KCNK2: variants seen among roughly 807,000 people sequenced by gnomAD.
The protein encoded by KCNK2 is potassium channel subfamily K member 2.
Under a neutral mutation model 40.5 loss-of-function variants are expected in KCNK2, and 21 were observed. The observed-to-expected ratio is 0.52, with a 90% confidence interval of 0.37 to 0.75. The LOEUF is 0.75. Ranked by LOEUF, KCNK2 falls within the 30% of genes least tolerant of loss-of-function variation. The pLI, the probability that KCNK2 is intolerant of heterozygous loss-of-function variation, is 0.00. For missense variants in KCNK2, 399 were observed against 531.6 expected (o/e 0.75, Z 2.45); for synonymous variants, 191 against 202.2 (o/e 0.94, Z 0.47).
intron 5 of KCNK2, among the ~76,000 whole-genome samples, chr1:215,178,387 G>C (rs978338257): frequency 6.6e-6 from 1 of 152,072 alleles, no homozygotes; most frequent in African/African-American, 2.4e-5. Context: ...TGGACTCCCA[G>C]TAGTATGTTG....
intron 6 of KCNK2, among the ~76,000 whole-genome samples, chr1:215,201,862 C>G (rs767386692): frequency 6.6e-6 from 1 of 152,072 alleles, no homozygotes; most frequent in Non-Finnish European, 1.5e-5. Flanking sequence ...TTACTTTTTT[C>G]TTTTCTGTTT....
rs753756227 is a variant in KCNK2, at chr1:215,171,439, G to C, written c.637-558G>C. Among the ~76,000 whole-genome samples, 101 of 152,096 alleles carry C rather than the reference G, an allele frequency of 6.6e-4. 1 individual carries two copies. Among genetic ancestry groups the C allele is most frequent in the Non-Finnish European group, 1.0e-3 (71 of 68,004 alleles). On this transcript the variant is annotated intron_variant, in intron 4 of 6. Transcript: ENST00000444842. Reference sequence around the variant, plus strand: ...GTGAAGGTTAAGCTGTTAGTATTATGCTGTAATCAATTAAATTGATGATAA... The same window carrying C: ...GTGAAGGTTAAGCTGTTAGTATTATCCTGTAATCAATTAAATTGATGATAA...
intron 3 of KCNK2, among the ~76,000 whole-genome samples, chr1:215,146,969 A>G (rs1295807720): frequency 1.3e-5 from 2 of 152,184 alleles, no homozygotes; most frequent in Non-Finnish European, 2.9e-5. Flanking sequence ...AATATTCGCA[A>G]TTACCCTTTT....
chr1:215,198,784 C>A (rs1664968393), intron 6 of KCNK2, among the ~76,000 whole-genome samples: 1 of 152,076 alleles, frequency 6.6e-6, no homozygotes, highest in Non-Finnish European at 1.5e-5. Flanking sequence ...GAATCTTCTT[C>A]ACTAAAAGAT....
intron 6 of KCNK2, among the ~76,000 whole-genome samples, chr1:215,221,939 G>T (rs1378740601): frequency 1.3e-5 from 2 of 152,220 alleles, no homozygotes; most frequent in Non-Finnish European, 2.9e-5. Context: ...GGTTCTGCAG[G>T]TTGTACAGGA....
At position 215,208,490 on chromosome 1, in the gene KCNK2, T is replaced by C. The variant is rs557112489; in HGVS notation, c.963+13398T>C. Among the ~76,000 whole-genome samples, 5 of 152,078 alleles carry C rather than the reference T, an allele frequency of 3.3e-5. No individual in the cohort carries two copies. The East Asian group carries it at 9.7e-4, about 29-fold the overall frequency. Reference sequence around the variant, plus strand: ...CTTATGTAACAAATCTTCACATGCATCCCCCATCCTAAAATAAAAGTTTAA... The same window carrying C: ...CTTATGTAACAAATCTTCACATGCACCCCCCATCCTAAAATAAAAGTTTAA... On this transcript the variant is annotated intron_variant, in intron 6 of 6. Coordinates refer to ENST00000444842, the MANE Select transcript of KCNK2 (RefSeq NM_001017425.3).
rs752225467 is a variant in KCNK2, at chr1:215,086,604, A to G, written c.283A>G (p.Ile95Val). The change falls in exon 2 of 7, where the codon ATT becomes GTT. Residue 95 changes from isoleucine (I) to valine (V), a missense_variant. By Grantham distance (29) the Ile-to-Val change is conservative (BLOSUM62 3). Coordinates refer to ENST00000444842, the MANE Select transcript of KCNK2 (RefSeq NM_001017425.3). ...TCATGAGATTTCACAGAGGACCACC[A>G]TTGTGATCCAGAAGCAAACATTCAT... ...QPHEISQRTT[I>V]VIQKQTFISQ... The G allele has an allele frequency of 2.5e-6, 4 of 1,614,222 alleles. No individual in the cohort carries two copies. Among genetic ancestry groups the G allele is most frequent in the Non-Finnish European group, 3.4e-6 (4 of 1,180,022 alleles).
chr1:215,112,374 A>G (rs1033777644), intron 2 of KCNK2, among the ~76,000 whole-genome samples: 1 of 151,932 alleles, frequency 6.6e-6, no homozygotes, highest in Non-Finnish European at 1.5e-5. Flanking sequence ...AAAAAAGATT[A>G]TGGAATAAAG....
At chr1:215,044,890 G>T (rs1349543668) in intron 1 of KCNK2, among the ~76,000 whole-genome samples, 2 of 151,856 alleles carry the variant, frequency 1.3e-5, no homozygotes, top group Non-Finnish European at 2.9e-5. Context: ...ACAGAGTTAG[G>T]CCGGGCACAG....
chr1:215,174,201 T>G (rs1663849288), intron 5 of KCNK2, among the ~76,000 whole-genome samples: 1 of 152,126 alleles, frequency 6.6e-6, no homozygotes, highest in African/African-American at 2.4e-5. Flanking sequence ...CTAGCCAGTT[T>G]TCCCAGCACC....
At chr1:215,023,469 T>C (rs923094680) in intron 1 of KCNK2, among the ~76,000 whole-genome samples, 1 of 152,220 alleles carries the variant, frequency 6.6e-6, no homozygotes, top group Non-Finnish European at 1.5e-5. Context: ...ATACTCTGAA[T>C]TGAATTACAT....
chr1:215,160,359 G>A (rs1663138150), intron 3 of KCNK2, among the ~76,000 whole-genome samples: 1 of 152,176 alleles, frequency 6.6e-6, no homozygotes, highest in African/African-American at 2.4e-5. Flanking sequence ...ATATTAACAT[G>A]TACAGGAAGC....
At chr1:215,052,282 A>G (rs1658018357) in intron 1 of KCNK2, among the ~76,000 whole-genome samples, 1 of 152,232 alleles carries the variant, frequency 6.6e-6, no homozygotes, top group African/African-American at 2.4e-5. Context: ...AGAAGCCATT[A>G]GAAGTTTTTA....
chr1:215,062,786 A>C (rs1658403344), intron 1 of KCNK2, among the ~76,000 whole-genome samples: 1 of 151,960 alleles, frequency 6.6e-6, no homozygotes, highest in African/African-American at 2.4e-5. Context: ...ATTTTTGCTG[A>C]TTCCAAACTC....
intron 5 of KCNK2, among the ~76,000 whole-genome samples, chr1:215,183,331 G>A (rs964534869): frequency 9.2e-5 from 14 of 152,050 alleles, no homozygotes; most frequent in African/African-American, 1.4e-4. Context: ...TCTTGGCTAC[G>A]TAAAATATTT....
At chr1:215,223,241 TAAAA>T (rs56890763) in intron 6 of KCNK2, among the ~76,000 whole-genome samples, 8 of 112,052 alleles carry the variant, frequency 7.1e-5, no homozygotes, top group East Asian at 2.5e-4. Flanking sequence ...AGCTCTTTTC[TAAAA>T]AAAAAAAAAA....
At chr1:215,148,526 G>A (rs940245797) in intron 3 of KCNK2, among the ~76,000 whole-genome samples, 1 of 151,878 alleles carries the variant, frequency 6.6e-6, no homozygotes, top group African/African-American at 2.4e-5. Context: ...AAAATATGCG[G>A]TATTAATAAA....
At chr1:215,104,313 A>G (rs565115296) in intron 2 of KCNK2, among the ~76,000 whole-genome samples, 12 of 152,006 alleles carry the variant, frequency 7.9e-5, no homozygotes, top group Admixed American at 2.6e-4. Flanking sequence ...TCCTCCTCCT[A>G]ATGTCCCCTT....
intron 1 of KCNK2, among the ~76,000 whole-genome samples, chr1:215,064,259 G>C (rs1422734224): frequency 1.3e-5 from 2 of 152,072 alleles, no homozygotes; most frequent in African/African-American, 2.4e-5. Context: ...GGACAAAAGT[G>C]TGCAATTTTT....
Sources: allele counts gnomAD v4.1 joint callset (sites outside exome capture counted in the v4.1 genomes callset), GRCh38; gene constraint gnomAD v4.1.1; transcripts MANE v1.5; gene names NCBI Gene and HGNC (gene_info 2026-07-23, HGNC 2026-07-21).